Variants in R3HDM2 observed in about 807,000 individuals in gnomAD.
R3HDM2 encodes the protein R3H domain-containing protein 2.
Under a neutral mutation model 124.5 loss-of-function variants are expected in R3HDM2, and 38 were observed. The observed-to-expected ratio is 0.31, with a 90% CI of 0.24 to 0.40. R3HDM2 has a LOEUF of 0.40. Among genes scored for constraint, R3HDM2 ranks in the 10% least tolerant of loss-of-function variants. R3HDM2 has a pLI of 1.00. For missense variants in R3HDM2, 869 were observed against 1,236.9 expected (o/e 0.70, Z 4.46); for synonymous variants, 391 against 448.0 (o/e 0.87, Z 1.61).
At chr12:57,307,889 G>A (rs2053051220) in intron 3 of R3HDM2, among the ~76,000 whole-genome samples, 1 of 151,970 alleles carries the variant, frequency 6.6e-6, no homozygotes, top group Admixed American at 6.6e-5. Flanking sequence ...TAGGATCCAG[G>A]GAGGCTGACA....
chr12:57,413,846 CCTTT>C (rs1260036039), intron 1 of R3HDM2, among the ~76,000 whole-genome samples: 2 of 103,020 alleles, frequency 1.9e-5, no homozygotes, highest in African/African-American at 3.5e-5. Flanking sequence ...TAATCCCCCC[CCTTT>C]TTTTTTTTTT....
intron 6 of R3HDM2, among the ~76,000 whole-genome samples, chr12:57,298,590 A>T (rs931359730): frequency 6.6e-6 from 1 of 151,826 alleles, no homozygotes. Flanking sequence ...TTTATGGACT[A>T]TGTCTTTTTG....
At chr12:57,350,073 A>AG (rs1406138892) in intron 2 of R3HDM2, among the ~76,000 whole-genome samples, 2 of 152,102 alleles carry the variant, frequency 1.3e-5, no homozygotes, top group Non-Finnish European at 2.9e-5. Context: ...AGCCAGGCAT[A>AG]GTGGCACATG....
At chr12:57,428,361 G>A (rs1868461480) in intron 1 of R3HDM2, among the ~76,000 whole-genome samples, 1 of 152,062 alleles carries the variant, frequency 6.6e-6, no homozygotes, top group Admixed American at 6.6e-5. Flanking sequence ...GCTGGGCGCG[G>A]TGGCTCATGC....
At chr12:57,429,017 G>T (rs1309901157) in intron 1 of R3HDM2, among the ~76,000 whole-genome samples, 1 of 152,072 alleles carries the variant, frequency 6.6e-6, no homozygotes, top group African/African-American at 2.4e-5. Context: ...AAAGTGCTGC[G>T]ATTACAGCAT....
intron 2 of R3HDM2, among the ~76,000 whole-genome samples, chr12:57,368,205 T>TA (rs1032069006): frequency 6.6e-6 from 1 of 151,972 alleles, no homozygotes; most frequent in African/African-American, 2.4e-5. Context: ...ATCTACTTTT[T>TA]AAAAAAAATT....
At chr12:57,288,234 G>T (rs992426544) in intron 12 of R3HDM2, among the ~76,000 whole-genome samples, 15 of 151,996 alleles carry the variant, frequency 9.9e-5, no homozygotes, top group African/African-American at 3.6e-4. Context: ...TTGAACTCCT[G>T]ACCTCGTGAT....
intron 1 of R3HDM2, among the ~76,000 whole-genome samples, chr12:57,413,262 C>T (rs1015181036): frequency 6.6e-6 from 1 of 152,178 alleles, no homozygotes; most frequent in African/African-American, 2.4e-5. Context: ...CATGGCAAGT[C>T]ACCATAACTA....
At chr12:57,413,063 G>T (rs11172205) in intron 1 of R3HDM2, among the ~76,000 whole-genome samples, 69,224 of 151,830 alleles carry the variant, frequency 0.46, 16,507 homozygotes, top group Middle Eastern at 0.8. Flanking sequence ...TGAGGCAGGA[G>T]AATTGCCTGA....
At chr12:57,328,136 A>C (rs1004641709) in intron 2 of R3HDM2, among the ~76,000 whole-genome samples, 4 of 149,822 alleles carry the variant, frequency 2.7e-5, no homozygotes, top group African/African-American at 9.9e-5. Context: ...CAGTGGCGCG[A>C]TCACAGCTCA....
intron 2 of R3HDM2, among the ~76,000 whole-genome samples, chr12:57,350,111 G>C (rs2060523952): frequency 6.6e-6 from 1 of 152,092 alleles, no homozygotes. Flanking sequence ...TTGGGAAGTT[G>C]AGGCAGGAGA....
At chr12:57,430,570 T>TCCGACCC in intron 1 of R3HDM2, 150 bp downstream of exon 1, 1 of 982,654 alleles carries the variant, frequency 1.0e-6, no homozygotes, top group Non-Finnish European at 1.2e-6. Context: ...CCCGCGGCCA[T>TCCGACCC]CCGACCCTGA....
Position 57,400,473 on chromosome 12 carries a change from A to G in R3HDM2, c.-105-4655T>C, listed in dbSNP as rs1402123193. On this transcript the variant is annotated intron_variant, in intron 1 of 23. Transcript: ENST00000402412. ...GGGGAGGGATAGCATTAGGAGATAT[A>G]CCTAACGTAAATGACGAGTTAATGG... Among the ~76,000 whole-genome samples the G allele has an allele frequency of 2.6e-5, 4 of 152,132 alleles. No homozygotes were observed. In the East Asian group the frequency reaches 5.8e-4, roughly 22 times the overall value.
chr12:57,316,123 G>C (rs2054964056), intron 2 of R3HDM2, among the ~76,000 whole-genome samples: 1 of 152,148 alleles, frequency 6.6e-6, no homozygotes, highest in Non-Finnish European at 1.5e-5. Context: ...TCATTCTACT[G>C]AGACCACCAG....
At chr12:57,377,121 A>AG (rs1226331991) in intron 2 of R3HDM2, among the ~76,000 whole-genome samples, 76 of 46,818 alleles carry the variant, frequency 1.6e-3, no homozygotes, top group Middle Eastern at 0.028. Flanking sequence ...ACTTGGTCTC[A>AG]GAAAAAAAAA....
chr12:57,418,384 T>C, intron 1 of R3HDM2: 1 of 975,682 alleles, frequency 1.0e-6, no homozygotes, highest in Non-Finnish European at 1.2e-6. Flanking sequence ...ACTGGCAATA[T>C]TCCCAACGGT....
At chr12:57,407,627 G>A (rs911353815) in intron 1 of R3HDM2, among the ~76,000 whole-genome samples, 2 of 151,980 alleles carry the variant, frequency 1.3e-5, no homozygotes, top group Admixed American at 1.3e-4. Context: ...GGCTGGTCTT[G>A]AACTCCTGAC....
chr12:57,421,673 A>G (rs1007930768), intron 1 of R3HDM2, among the ~76,000 whole-genome samples: 2 of 149,598 alleles, frequency 1.3e-5, no homozygotes, highest in Non-Finnish European at 3.0e-5. Flanking sequence ...GGCCCAGCTA[A>G]TTTTTCTTAT....
At chr12:57,278,919 T>G (rs1000977508) in intron 14 of R3HDM2, among the ~76,000 whole-genome samples, 1 of 152,074 alleles carries the variant, frequency 6.6e-6, no homozygotes, top group Non-Finnish European at 1.5e-5. Context: ...GGGGTATTAG[T>G]GTTTGGGACT....
Sources: gnomAD v4.1 joint callset for allele counts (sites outside exome capture counted in the v4.1 genomes callset) on GRCh38, gnomAD v4.1.1 for gene constraint, MANE v1.5 for transcripts, NCBI Gene and HGNC (gene_info 2026-07-23, HGNC 2026-07-21) for gene names.